The following HEMK2 variants were observed in gnomAD, a reference collection of about 807,000 sequenced individuals.
The protein encoded by HEMK2 is methyltransferase HEMK2.
At chr21:28,692,548 G>A in the HEMK2 span, among the ~76,000 whole-genome samples, 1 of 151,722 alleles carries the variant, frequency 6.6e-6, no homozygotes, top group East Asian at 1.9e-4. Context: ...ACTAACCAAA[G>A]AATCTAAAAG....
chr21:28,660,664 T>C, the HEMK2 span, among the ~76,000 whole-genome samples: 2 of 152,032 alleles, frequency 1.3e-5, no homozygotes, highest in Admixed American at 1.3e-4. Context: ...TTATTTTGTT[T>C]AGGAGTTTTG....
At chr21:28,786,961 C>G in the HEMK2 span, among the ~76,000 whole-genome samples, 1 of 152,054 alleles carries the variant, frequency 6.6e-6, no homozygotes, top group East Asian at 1.9e-4. Context: ...AAAGAGCCCA[C>G]AGAGCCAAAG....
chr21:28,705,216 A>C, the HEMK2 span, among the ~76,000 whole-genome samples: 1 of 152,072 alleles, frequency 6.6e-6, no homozygotes, highest in Admixed American at 6.6e-5. Flanking sequence ...ATTTTTTAAC[A>C]TTTTACTGAG....
At chr21:28,708,584 T>C in the HEMK2 span, among the ~76,000 whole-genome samples, 3 of 152,178 alleles carry the variant, frequency 2.0e-5, no homozygotes, top group African/African-American at 7.2e-5. Flanking sequence ...TCAACAATGG[T>C]TATGACCAAG....
chr21:28,746,672 TAA>T, the HEMK2 span, among the ~76,000 whole-genome samples: 2,198 of 144,872 alleles, frequency 0.015, 52 homozygotes, highest in African/African-American at 0.052. Context: ...AGGGCCAATC[TAA>T]AAAAAAAAAA....
At chr21:28,878,451 C>T in the HEMK2 span, 8 of 1,097,618 alleles carry the variant, frequency 7.3e-6, no homozygotes, top group African/African-American at 4.8e-5. Flanking sequence ...TTACTGCTGA[C>T]GAAGGAGCAG....
the HEMK2 span, chr21:28,885,361 T>C: frequency 2.0e-6 from 3 of 1,535,924 alleles, no homozygotes; most frequent in Non-Finnish European, 2.7e-6. Flanking sequence ...TTCGCTGCGT[T>C]CCATGCGCGT....
At chr21:28,609,766 T>C in the HEMK2 span, among the ~76,000 whole-genome samples, 3 of 151,580 alleles carry the variant, frequency 2.0e-5, no homozygotes, top group Non-Finnish European at 4.4e-5. Flanking sequence ...AAATGTAAAA[T>C]GCACTGGAAA....
the HEMK2 span, among the ~76,000 whole-genome samples, chr21:28,739,421 T>C: frequency 2.6e-5 from 4 of 152,228 alleles, no homozygotes; most frequent in Non-Finnish European, 1.5e-5. Flanking sequence ...AAATATAATA[T>C]GGTATAGATA....
the HEMK2 span, among the ~76,000 whole-genome samples, chr21:28,808,089 G>T: frequency 1.1e-4 from 16 of 152,158 alleles, no homozygotes; most frequent in African/African-American, 3.6e-4. Context: ...GAAGAGAGAG[G>T]AGACACAAGG....
the HEMK2 span, among the ~76,000 whole-genome samples, chr21:28,846,671 G>A: frequency 6.6e-6 from 1 of 151,982 alleles, no homozygotes; most frequent in South Asian, 2.1e-4. Flanking sequence ...GGGTACATGT[G>A]CAGATTTGGT....
the HEMK2 span, among the ~76,000 whole-genome samples, chr21:28,682,050 T>C: frequency 7.2e-5 from 11 of 152,008 alleles, no homozygotes; most frequent in South Asian, 4.1e-4. Flanking sequence ...AATTGACAAA[T>C]AGGATCTAAT....
the HEMK2 span, among the ~76,000 whole-genome samples, chr21:28,801,542 T>A: frequency 1.3e-5 from 2 of 151,854 alleles, no homozygotes; most frequent in Non-Finnish European, 2.9e-5. Context: ...GACAGAAACA[T>A]TAAAAGCCAA....
the HEMK2 span, among the ~76,000 whole-genome samples, chr21:28,720,602 G>A: frequency 1.3e-5 from 2 of 152,214 alleles, no homozygotes; most frequent in East Asian, 1.9e-4. Flanking sequence ...GCATGGTGGC[G>A]GGCGCCTGTA....
At chr21:28,680,529 G>A in the HEMK2 span, among the ~76,000 whole-genome samples, 1 of 152,066 alleles carries the variant, frequency 6.6e-6, no homozygotes, top group African/African-American at 2.4e-5. Context: ...GAAAAAGAGG[G>A]AATCCTCCCT....
chr21:28,762,162 TG>T, the HEMK2 span, among the ~76,000 whole-genome samples: 1 of 152,112 alleles, frequency 6.6e-6, no homozygotes, highest in South Asian at 2.1e-4. Flanking sequence ...GAATGCTGCC[TG>T]GGTGTTGACT....
At chr21:28,740,923 G>GT in the HEMK2 span, among the ~76,000 whole-genome samples, 1 of 139,578 alleles carries the variant, frequency 7.2e-6, no homozygotes, top group South Asian at 2.1e-4. Flanking sequence ...TGAAAATTAT[G>GT]TAATGCATTT....
chr21:28,593,341 T>C, the HEMK2 span, among the ~76,000 whole-genome samples: 1 of 152,190 alleles, frequency 6.6e-6, no homozygotes, highest in Non-Finnish European at 1.5e-5. Flanking sequence ...AACCAAAAAA[T>C]CTGAAATCTC....
the HEMK2 span, among the ~76,000 whole-genome samples, chr21:28,768,204 G>A: frequency 2.0e-5 from 3 of 152,044 alleles, no homozygotes; most frequent in Non-Finnish European, 4.4e-5. Flanking sequence ...TGTGAGCCAC[G>A]CATCATGCCA....
Sources: gnomAD v4.1 joint callset for allele counts (sites outside exome capture counted in the v4.1 genomes callset) on GRCh38, gnomAD v4.1.1 for gene constraint, MANE v1.5 for transcripts, NCBI Gene and HGNC (gene_info 2026-07-23, HGNC 2026-07-21) for gene names.